The following ADAMTSL2 variants were observed in gnomAD, a reference collection of about 807,000 sequenced individuals.
ADAMTSL2 encodes ADAMTS like 2.
Under a neutral mutation model 117.0 loss-of-function variants are expected in ADAMTSL2, and 55 were observed. That is an observed-to-expected ratio of 0.47 (90% confidence interval 0.38 to 0.59). ADAMTSL2 has a LOEUF of 0.59. ADAMTSL2 is among the 20% of genes least tolerant of loss of function. The pLI, the probability that ADAMTSL2 is intolerant of heterozygous loss-of-function variation, is 0.00. For synonymous variants in ADAMTSL2, 572 were observed against 566.4 expected (o/e 1.01, Z -0.14); for missense variants, 1,182 against 1,354.5 (o/e 0.87, Z 2.00).
Position 133,553,893 on chromosome 9 carries a change from C to T in ADAMTSL2, c.940-464C>T, listed in dbSNP as rs1219814319. Among the ~76,000 whole-genome samples, 10 of 152,318 alleles carry T rather than the reference C, an allele frequency of 6.6e-5. 1 individual carries two copies. The East Asian group carries it at 1.5e-3, about 24-fold the overall frequency. The stretch of plus-strand genomic sequence containing the variant: ...ACTGTTGTCTCGAATTGAGGCAGAG[C>T]CTGGGTCTTTGTACTCCCACCTGGC... On this transcript the variant is annotated intron_variant, in intron 9 of 18. Coordinates refer to ENST00000651351, the MANE Select transcript of ADAMTSL2 (RefSeq NM_014694.4).
Position 133,570,482 on chromosome 9 carries a change from A to G in ADAMTSL2, c.2567A>G (p.Lys856Arg), listed in dbSNP as rs1831080693. ...ESTCFERPCF[K>R]WYTSPWSECT... ...ACGTGTTTCGAGAGGCCCTGCTTCAAGTGGTACACCAGCCCCTGGTCAGAG... is the reference window on the plus strand; with the variant it reads ...ACGTGTTTCGAGAGGCCCTGCTTCAGGTGGTACACCAGCCCCTGGTCAGAG... Residue 856 changes from lysine to arginine, a missense_variant, in exon 17 of 19, where the codon AAG (lysine) becomes AGG (arginine). Physicochemically the swap from Lys to Arg is conservative, Grantham distance 26. This residue lies in a region of ADAMTSL2 where 465 missense variants were observed against 565.3 expected (regional missense o/e 0.82). Transcript: ENST00000651351. The G allele has an allele frequency of 3.1e-6, 5 of 1,611,746 alleles. No individual in the cohort carries two copies. In the East Asian group the frequency reaches 8.9e-5, roughly 29 times the overall value.
In ADAMTSL2 at chr9:133,570,345, C is replaced by T. The variant is rs979335703; in HGVS notation, c.2430C>T (p.Cys810=). 44 of 1,546,656 alleles carry T rather than the reference C, an allele frequency of 2.8e-5. No homozygotes were observed. The highest frequency in any genetic ancestry group is 2.7e-5 in the African/African-American group (2 of 73,182). Residue 810 remains cysteine (C), a synonymous_variant, in exon 17 of 19, where the codon TGC becomes TGT. Coordinates refer to ENST00000651351, the MANE Select transcript of ADAMTSL2 (RefSeq NM_014694.4). ...AQDWERCNTT[C]GRGVKKRLVL... Reference sequence around the variant, plus strand: ...CCCGGCCTCAGTGCAACACCACCTGCGGGCGCGGGGTCAAGAAGCGGCTGG... The same window carrying T: ...CCCGGCCTCAGTGCAACACCACCTGTGGGCGCGGGGTCAAGAAGCGGCTGG...
intron 4 of ADAMTSL2, 85 bp from the exon 5 acceptor site, chr9:133,539,686 G>GTCCCGGCTGTCCCGGCTC: frequency 7.7e-7 from 1 of 1,305,782 alleles, no homozygotes; most frequent in African/African-American, 1.5e-5. Context: ...TGTCCCGGCT[G>GTCCCGGCTGTCCCGGCTC]CAGCCACTTC....
chr9:133,534,851 G>GGC lies in ADAMTSL2; in HGVS notation c.-214_-213dup. 6.7e-7 allele frequency: 1 copy of GGC among 1,496,646 alleles called. No homozygotes were observed. The highest frequency in any genetic ancestry group is 2.8e-5 in the East Asian group (1 of 35,692). 92.7% of individuals were successfully genotyped at this position (1,496,646 alleles called of 1,614,324 possible). On this transcript the variant is annotated 5_prime_UTR_variant, in exon 1 of 19. It introduces an in-frame stop codon into an upstream open reading frame of the 5' UTR. Coordinates refer to ENST00000651351, the MANE Select transcript of ADAMTSL2 (RefSeq NM_014694.4). Reference sequence around the variant, plus strand: ...CCGCCCCCGCACGCACAGCGCACCTGGCGCCGTCTGCCCTCCGCAGCGCTC... The same window carrying GGC: ...CCGCCCCCGCACGCACAGCGCACCTGGCGCGCCGTCTGCCCTCCGCAGCGCTC...
At chr9:133,551,861 A>G (rs1184462101) in intron 9 of ADAMTSL2, among the ~76,000 whole-genome samples, 1 of 125,920 alleles carries the variant, frequency 7.9e-6, no homozygotes, top group Non-Finnish European at 1.6e-5. Flanking sequence ...ATGGAGTCTT[A>G]CCCTGTTGCC....
intron 12 of ADAMTSL2, among the ~76,000 whole-genome samples, chr9:133,562,798 G>A: frequency 8.2e-6 from 1 of 121,328 alleles, no homozygotes; most frequent in South Asian, 2.6e-4. Flanking sequence ...GTGGGCACCG[G>A]CTTGGCCAGG....
intron 12 of ADAMTSL2, among the ~76,000 whole-genome samples, chr9:133,564,733 A>G (rs1433087530): frequency 6.6e-6 from 1 of 150,398 alleles, no homozygotes; most frequent in African/African-American, 2.5e-5. Context: ...TGAGAGAGAG[A>G]GAGAGAAAGG....
chr9:133,541,292 C>CTTTT (rs113918663), intron 7 of ADAMTSL2, among the ~76,000 whole-genome samples: 42 of 143,804 alleles, frequency 2.9e-4, no homozygotes, highest in Admixed American at 5.5e-4. Flanking sequence ...AACAATGCAC[C>CTTTT]TTTTTTTTTT....
rs921989173 is a variant in ADAMTSL2 at position 133,554,134 on chromosome 9, C to G, written c.940-223C>G. 3.3e-5 allele frequency among the ~76,000 whole-genome samples: 5 copies of G among 152,228 alleles called. No individual in the cohort carries two copies. The highest frequency in any genetic ancestry group is 3.3e-4 in the Admixed American group (5 of 15,290). On this transcript the variant is annotated intron_variant, in intron 9 of 18. Coordinates refer to ENST00000651351, the MANE Select transcript of ADAMTSL2 (RefSeq NM_014694.4). This position sits in a 1 kb window ranked among gnomAD's most constrained non-coding sequence, Gnocchi z 5.2. ...TGTACCCAGGGTGGGCCACTCCCCC[C>G]ACCACACATCCCCAGCCCCCGCCCT...
rs1830585085 is a variant in ADAMTSL2, at chr9:133,555,547, C to T, written c.1277-11C>T. On this transcript the variant is annotated splice_polypyrimidine_tract_variant and intron_variant, in intron 10 of 18. Coordinates refer to ENST00000651351, the MANE Select transcript of ADAMTSL2 (RefSeq NM_014694.4). ...ATGTGCCCACGGTTGAGCCACCTGTCTCCTCTCCAGACCGCAACGTCACGG... is the reference window on the plus strand; with the variant it reads ...ATGTGCCCACGGTTGAGCCACCTGTTTCCTCTCCAGACCGCAACGTCACGG... 2 of 1,612,866 alleles carry T rather than the reference C, an allele frequency of 1.2e-6. No individual in the cohort carries two copies. The highest frequency in any genetic ancestry group is 2.2e-5 in the East Asian group (1 of 44,894).
At chr9:133,545,801 C>T (rs1049224529) in intron 8 of ADAMTSL2, among the ~76,000 whole-genome samples, 5 of 152,264 alleles carry the variant, frequency 3.3e-5, no homozygotes, top group Middle Eastern at 6.8e-3. Flanking sequence ...AGGTTTTGGA[C>T]GAGAGCCTCG....
At chr9:133,541,480 G>A (rs1009444110) in intron 7 of ADAMTSL2, among the ~76,000 whole-genome samples, 1 of 152,034 alleles carries the variant, frequency 6.6e-6, no homozygotes, top group African/African-American at 2.4e-5. Context: ...GTGGAGATGG[G>A]GTTTCACTAT....
intron 1 of ADAMTSL2, among the ~76,000 whole-genome samples, chr9:133,535,499 G>T (rs1050084941): frequency 6.6e-6 from 1 of 152,172 alleles, no homozygotes; most frequent in Non-Finnish European, 1.5e-5. Flanking sequence ...CAGGTGCCGG[G>T]CCTGCAAGGA....
chr9:133,538,980 T>C (rs1483372998), intron 4 of ADAMTSL2, among the ~76,000 whole-genome samples: 1 of 152,108 alleles, frequency 6.6e-6, no homozygotes, highest in Non-Finnish European at 1.5e-5. Context: ...CTGCAGGGCG[T>C]GAGGCTGGGG....
At chr9:133,541,421 T>A (rs1444470110) in intron 7 of ADAMTSL2, among the ~76,000 whole-genome samples, 1 of 152,030 alleles carries the variant, frequency 6.6e-6, no homozygotes, top group Non-Finnish European at 1.5e-5. Flanking sequence ...CCCGAGGAGC[T>A]GGGACTACAG....
intron 8 of ADAMTSL2, among the ~76,000 whole-genome samples, chr9:133,544,828 C>G (rs1338251335): frequency 6.6e-6 from 1 of 152,160 alleles, no homozygotes; most frequent in African/African-American, 2.4e-5. Flanking sequence ...AGCTCCCTGT[C>G]ACTCGAGAGC....
intron 12 of ADAMTSL2, among the ~76,000 whole-genome samples, chr9:133,565,478 C>T (rs924970034): frequency 2.6e-5 from 4 of 152,282 alleles, no homozygotes; most frequent in Non-Finnish European, 4.4e-5. Flanking sequence ...GGCCCCAGAG[C>T]GGGTGTCTCT....
At chr9:133,544,136 G>T (rs1471271729) in intron 7 of ADAMTSL2, among the ~76,000 whole-genome samples, 1 of 152,248 alleles carries the variant, frequency 6.6e-6, no homozygotes, top group Non-Finnish European at 1.5e-5. Context: ...CGGCTGCCCA[G>T]GGTCTCCTGG....
chr9:133,538,792 CCCATGAAACAGTACCCCCCACG>C (rs769530944), intron 4 of ADAMTSL2, among the ~76,000 whole-genome samples: 12 of 152,190 alleles, frequency 7.9e-5, no homozygotes, highest in Non-Finnish European at 1.0e-4. Context: ...GCTTCCCCGT[CCCATGAAACAGTACCCCCCACG>C]CCATAAAACA....
Sources: gnomAD v4.1 joint callset for allele counts (sites outside exome capture counted in the v4.1 genomes callset) on GRCh38, gnomAD v4.1.1 for gene constraint, gnomAD v4.1.1 regional missense constraint, Gnocchi (gnomAD v3.1) non-coding constraint, MANE v1.5 for transcripts, NCBI Gene and HGNC (gene_info 2026-07-23, HGNC 2026-07-21) for gene names.